Variants in CYRIA observed in about 807,000 individuals in gnomAD.
The protein encoded by CYRIA is CYFIP-related Rac1 interactor A.
Under a neutral mutation model 43.9 loss-of-function variants are expected in CYRIA, and 15 were observed. The ratio of observed to expected loss-of-function variants is 0.34; its 90% confidence interval spans 0.23 to 0.53. CYRIA has a LOEUF of 0.53. Among genes scored for constraint, CYRIA ranks in the 20% least tolerant of loss-of-function variants. CYRIA has a pLI of 0.94. For synonymous variants in CYRIA, 117 were observed against 136.0 expected (o/e 0.86, Z 0.97); for missense variants, 236 against 394.2 (o/e 0.60, Z 3.40).
At chr2:16,642,037 T>G (rs1302973774) in intron 1 of CYRIA, among the ~76,000 whole-genome samples, 1 of 152,206 alleles carries the variant, frequency 6.6e-6, no homozygotes, top group Non-Finnish European at 1.5e-5. Context: ...TTTTTCTAAA[T>G]TCTTAATATT....
chr2:16,657,106 A>G (rs1670136690), intron 1 of CYRIA, among the ~76,000 whole-genome samples: 1 of 152,194 alleles, frequency 6.6e-6, no homozygotes, highest in South Asian at 2.1e-4. Context: ...TAATTCTCAG[A>G]GAGACAAAGG....
At chr2:16,569,650 AG>A (rs539005321) in intron 3 of CYRIA, among the ~76,000 whole-genome samples, 4 of 152,286 alleles carry the variant, frequency 2.6e-5, no homozygotes, top group African/African-American at 9.6e-5. Context: ...GAGAAGCTCT[AG>A]TCTGTCTGTC....
chr2:16,582,860 T>G (rs1023540506), intron 3 of CYRIA, among the ~76,000 whole-genome samples: 8 of 152,198 alleles, frequency 5.3e-5, no homozygotes, highest in African/African-American at 1.7e-4. Context: ...ATTTTCACTT[T>G]TCTTGCATAT....
intron 2 of CYRIA, among the ~76,000 whole-genome samples, chr2:16,600,970 C>T (rs886256615): frequency 3.9e-5 from 6 of 152,154 alleles, no homozygotes; most frequent in African/African-American, 1.4e-4. Flanking sequence ...CAGTAGAAGT[C>T]CTGGGGCTCC....
At chr2:16,627,004 A>G (rs1485181287) in intron 1 of CYRIA, among the ~76,000 whole-genome samples, 1 of 151,148 alleles carries the variant, frequency 6.6e-6, no homozygotes, top group African/African-American at 2.5e-5. Context: ...CCGAAATCAG[A>G]GACAGGAGGT....
chr2:16,627,554 G>A (rs1669209425), intron 1 of CYRIA, among the ~76,000 whole-genome samples: 1 of 152,200 alleles, frequency 6.6e-6, no homozygotes, highest in African/African-American at 2.4e-5. Flanking sequence ...GGTAACTGAG[G>A]CACAAAATGA....
intron 2 of CYRIA, among the ~76,000 whole-genome samples, chr2:16,605,328 T>A (rs185072554): frequency 3.3e-5 from 5 of 152,308 alleles, no homozygotes; most frequent in African/African-American, 1.2e-4. Flanking sequence ...GGAATGAAAG[T>A]CAATGTGTCC....
intron 1 of CYRIA, among the ~76,000 whole-genome samples, chr2:16,644,541 G>A (rs530942974): frequency 1.3e-5 from 2 of 152,100 alleles, no homozygotes; most frequent in African/African-American, 4.8e-5. Flanking sequence ...CTGTTGCTGG[G>A]GCTTAACTAC....
chr2:16,620,209 G>C (rs1360923655), intron 2 of CYRIA, among the ~76,000 whole-genome samples: 1 of 152,230 alleles, frequency 6.6e-6, no homozygotes, highest in Non-Finnish European at 1.5e-5. Flanking sequence ...ATTCAGTGGA[G>C]AGAGGGTTAA....
chr2:16,560,824 T>TA, intron 9 of CYRIA, 166 bp downstream of exon 9: 2 of 658,832 alleles, frequency 3.0e-6, no homozygotes, highest in Non-Finnish European at 5.4e-6. Flanking sequence ...TATGCAGTAG[T>TA]GATAGTGACA....
chr2:16,560,953 A>G (rs1239152131), intron 9 of CYRIA, 37 bp downstream of exon 9: 3 of 1,563,804 alleles, frequency 1.9e-6, no homozygotes, highest in South Asian at 2.2e-5. Flanking sequence ...TGGCTGGGTG[A>G]AGTCTCAACC....
At position 16,650,288 on chromosome 2, in the gene CYRIA, A is replaced by G. The variant is rs1012980748; in HGVS notation, c.-167+15492T>C. On this transcript the variant is annotated intron_variant, in intron 1 of 11. Coordinates refer to ENST00000381323, the MANE Select transcript of CYRIA (RefSeq NM_030797.4). The surrounding 1 kb of genome is among the most constrained non-coding windows in gnomAD (Gnocchi z 4.1). ...TGTCAATTTTATGGATGACATCCCT[A>G]AGACGTAAGAGTGGTTAAGCAATGG... Among the ~76,000 whole-genome samples, 13 of 152,338 alleles carry G rather than the reference A, an allele frequency of 8.5e-5. No individual in the cohort carries two copies. Among genetic ancestry groups the G allele is most frequent in the African/African-American group, 3.1e-4 (13 of 41,582 alleles).
intron 2 of CYRIA, among the ~76,000 whole-genome samples, chr2:16,598,853 C>G (rs1323306320): frequency 8.0e-6 from 1 of 124,884 alleles, no homozygotes; most frequent in East Asian, 2.1e-4. Flanking sequence ...TTTTCCCCAT[C>G]TTTGTGGTTA....
intron 1 of CYRIA, among the ~76,000 whole-genome samples, chr2:16,625,944 A>G (rs1042271450): frequency 1.3e-5 from 2 of 151,974 alleles, no homozygotes; most frequent in African/African-American, 4.8e-5. Flanking sequence ...TTTCCACCAC[A>G]AAACCAAGAG....
At chr2:16,645,549 G>A (rs1000620182) in intron 1 of CYRIA, among the ~76,000 whole-genome samples, 8 of 152,300 alleles carry the variant, frequency 5.3e-5, no homozygotes, top group South Asian at 4.1e-4. Flanking sequence ...TGTATTACAC[G>A]AGCCACATGT....
chr2:16,635,128 T>C (rs1367462771), intron 1 of CYRIA, among the ~76,000 whole-genome samples: 1 of 152,206 alleles, frequency 6.6e-6, no homozygotes, highest in Non-Finnish European at 1.5e-5. Flanking sequence ...CATTTGACAA[T>C]GTCTGCAGAC....
intron 3 of CYRIA, among the ~76,000 whole-genome samples, chr2:16,571,127 C>T (rs1179744392): frequency 2.0e-5 from 3 of 152,156 alleles, no homozygotes; most frequent in Non-Finnish European, 2.9e-5. Flanking sequence ...CGACCTTGCA[C>T]ACATATACAT....
At chr2:16,647,943 C>A (rs1014646434) in intron 1 of CYRIA, among the ~76,000 whole-genome samples, 2 of 152,192 alleles carry the variant, frequency 1.3e-5, no homozygotes, top group Admixed American at 1.3e-4. Flanking sequence ...TAGTTTGAGG[C>A]CCACGGCCCT....
At chr2:16,590,887 T>A (rs1177685764) in intron 2 of CYRIA, among the ~76,000 whole-genome samples, 1 of 152,098 alleles carries the variant, frequency 6.6e-6, no homozygotes, top group East Asian at 1.9e-4. Context: ...ACTCCAAGGT[T>A]GATAAGAATT....
Sources: gnomAD v4.1 joint callset for allele counts (sites outside exome capture counted in the v4.1 genomes callset) on GRCh38, gnomAD v4.1.1 for gene constraint, Gnocchi (gnomAD v3.1) non-coding constraint, MANE v1.5 for transcripts, NCBI Gene and HGNC (gene_info 2026-07-23, HGNC 2026-07-21) for gene names.